TMEM62: variants seen among roughly 807,000 people sequenced by gnomAD.
TMEM62 encodes transmembrane protein 62.
A neutral mutation model predicts 70.4 loss-of-function variants in TMEM62; 41 were observed. The observed-to-expected ratio is 0.58, with a 90% confidence interval of 0.45 to 0.76. TMEM62 has a LOEUF of 0.76. TMEM62 is among the 30% of genes least tolerant of loss of function. The probability of loss-of-function intolerance (pLI) is 0.00; values close to 1 mark genes in which losing one functional copy is unlikely to be tolerated. For synonymous variants in TMEM62, 268 were observed against 291.0 expected (o/e 0.92, Z 0.80); for missense variants, 688 against 788.5 (o/e 0.87, Z 1.53).
At chr15:43,151,231 G>C (rs1043401390) in intron 7 of TMEM62, among the ~76,000 whole-genome samples, 8 of 151,414 alleles carry the variant, frequency 5.3e-5, no homozygotes, top group African/African-American at 1.7e-4. Flanking sequence ...CAGCTACTTG[G>C]GAGGCTGAGG....
intron 11 of TMEM62, among the ~76,000 whole-genome samples, chr15:43,172,103 T>G (rs1482714977): frequency 6.6e-6 from 1 of 152,198 alleles, no homozygotes; most frequent in Non-Finnish European, 1.5e-5. Context: ...CCCAAGTATG[T>G]TTTGTCTTTC....
intron 2 of TMEM62, 53 bp from the exon 3 acceptor site, chr15:43,135,459 A>G (rs2035078810): frequency 6.5e-7 from 1 of 1,531,260 alleles, no homozygotes; most frequent in Non-Finnish European, 8.7e-7. Flanking sequence ...AAAAAAATGG[A>G]ACCCCCAGTA....
intron 10 of TMEM62, among the ~76,000 whole-genome samples, chr15:43,162,434 T>C (rs1040230000): frequency 2.1e-5 from 3 of 140,288 alleles, no homozygotes; most frequent in Non-Finnish European, 4.5e-5. Context: ...CCCCTGGCCC[T>C]TTTTTTTTTT....
At chr15:43,158,002 TG>T (rs2038254925) in intron 9 of TMEM62, among the ~76,000 whole-genome samples, 3 of 152,124 alleles carry the variant, frequency 2.0e-5, no homozygotes, top group African/African-American at 7.2e-5. Flanking sequence ...CCCTCTTTTT[TG>T]TACCCTTAAA....
chr15:43,177,942 A>G (rs1439474260), intron 11 of TMEM62, among the ~76,000 whole-genome samples: 2 of 151,892 alleles, frequency 1.3e-5, no homozygotes, highest in South Asian at 4.1e-4. Context: ...GCACATGTAT[A>G]CATATGTAAC....
chr15:43,184,051 G>T lies in TMEM62; in HGVS notation c.1606-209G>T, dbSNP rs551475724. ...GTTGGGACTTCAGCATAAATTAAAT[G>T]ATACCTGCCTCTAAGATGAATAAAA... On this transcript the variant is annotated intron_variant, in intron 13 of 13. Coordinates refer to ENST00000260403, the MANE Select transcript of TMEM62 (RefSeq NM_024956.4). The T allele has an allele frequency of 6.1e-5, 36 of 591,374 alleles. No homozygotes were observed. The African/African-American group carries it at 6.3e-4, about 10-fold the overall frequency. 36.6% of individuals were successfully genotyped at this position (591,374 alleles called of 1,614,324 possible). A position where few individuals can be genotyped will look rare whatever the true frequency, so the allele number is the denominator to read the frequency against.
At chr15:43,151,750 G>A in intron 7 of TMEM62, 40 bp from the exon 8 acceptor site, 2 of 1,593,058 alleles carry the variant, frequency 1.3e-6, no homozygotes, top group Non-Finnish European at 1.7e-6. Context: ...CTCTTACAAT[G>A]TGAAGTGACT....
intron 3 of TMEM62, among the ~76,000 whole-genome samples, chr15:43,136,611 A>ATT (rs779033478): frequency 2.3e-4 from 32 of 139,698 alleles, no homozygotes; most frequent in African/African-American, 5.5e-4. Context: ...TGCCCAGTTA[A>ATT]TTTTTTTTTT....
intron 11 of TMEM62, 107 bp downstream of exon 11, chr15:43,169,784 C>T (rs1036633309): frequency 2.2e-6 from 2 of 903,794 alleles, no homozygotes; most frequent in South Asian, 1.7e-5. Flanking sequence ...ATGACCATGG[C>T]CCAGGGAAAA....
intron 11 of TMEM62, among the ~76,000 whole-genome samples, chr15:43,172,451 T>G (rs2040292187): frequency 6.6e-6 from 1 of 152,252 alleles, no homozygotes. Context: ...AAGCTAATTA[T>G]ATAAATATTT....
chr15:43,140,674 C>G (rs1479729683), intron 4 of TMEM62, among the ~76,000 whole-genome samples: 1 of 152,156 alleles, frequency 6.6e-6, no homozygotes, highest in Non-Finnish European at 1.5e-5. Context: ...TCCACATTGC[C>G]CTGGGGGGCT....
intron 10 of TMEM62, among the ~76,000 whole-genome samples, chr15:43,166,031 T>C (rs2039374200): frequency 6.6e-6 from 1 of 152,212 alleles, no homozygotes; most frequent in Non-Finnish European, 1.5e-5. Flanking sequence ...ATCTTTGTAG[T>C]CTGGGCTTGT....
chr15:43,157,632 A>G (rs1454113577), intron 9 of TMEM62, among the ~76,000 whole-genome samples: 4 of 152,092 alleles, frequency 2.6e-5, no homozygotes, highest in Admixed American at 2.6e-4. Context: ...ACAATTATCA[A>G]CTCATGATCA....
chr15:43,169,615 T>C lies in TMEM62; in HGVS notation c.1319T>C (p.Ile440Thr). The change falls in exon 11 of 14, where the codon ATT (isoleucine) becomes ACT (threonine). Residue 440 changes from isoleucine (I) to threonine (T), a missense_variant. Transcript: ENST00000260403. ...YIMARVLFVL[I>T]VLSQLTILII... ...CAGGCCCGGGTCCTTTTTGTGCTGA[T>C]TGTGCTGAGCCAGCTCACCATTCTC... is the stretch of plus-strand genomic sequence containing the variant. 6.2e-7 allele frequency: 1 copy of C among 1,614,194 alleles called. No homozygotes were observed. Among genetic ancestry groups the C allele is most frequent in the Non-Finnish European group, 8.5e-7 (1 of 1,180,004 alleles).
chr15:43,175,323 T>C (rs1230767956), intron 11 of TMEM62, among the ~76,000 whole-genome samples: 2 of 152,250 alleles, frequency 1.3e-5, no homozygotes, highest in African/African-American at 4.8e-5. Flanking sequence ...GTTATAAGTA[T>C]AAAATGAATG....
chr15:43,141,596 A>G (rs903453929), intron 4 of TMEM62, among the ~76,000 whole-genome samples: 4 of 152,270 alleles, frequency 2.6e-5, no homozygotes, highest in Admixed American at 6.5e-5. Flanking sequence ...TAGCCAATGG[A>G]TCAAGGAGTA....
chr15:43,171,336 TAAAAAAAA>T (rs74525020), intron 11 of TMEM62, among the ~76,000 whole-genome samples: 1 of 138,972 alleles, frequency 7.2e-6, no homozygotes, highest in South Asian at 2.3e-4. Flanking sequence ...ACTCTGTCCT[TAAAAAAAA>T]AAAAAAAGTT....
At chr15:43,146,213 C>T (rs2036640082) in intron 4 of TMEM62, 1 of 264,314 alleles carries the variant, frequency 3.8e-6, no homozygotes, top group Non-Finnish European at 7.1e-6. Flanking sequence ...ATTTTGATTT[C>T]TTTTTGAACA....
intron 11 of TMEM62, 156 bp downstream of exon 11, chr15:43,169,833 AGTTG>A (rs1198837731): frequency 5.1e-6 from 3 of 593,756 alleles, no homozygotes; most frequent in Middle Eastern, 4.5e-4. Context: ...GTCCTGAGGC[AGTTG>A]GATTACAGTT....
Sources: allele counts gnomAD v4.1 joint callset (sites outside exome capture counted in the v4.1 genomes callset), GRCh38; gene constraint gnomAD v4.1.1; transcripts MANE v1.5; gene names NCBI Gene and HGNC (gene_info 2026-07-23, HGNC 2026-07-21).